The following PARD3B variants were observed in gnomAD, a reference collection of about 807,000 sequenced individuals.
PARD3B encodes the protein partitioning defective 3 homolog B.
In PARD3B, 103 loss-of-function variants were observed where a neutral mutation model predicts 130.2. The observed-to-expected ratio is 0.79, with a 90% CI of 0.67 to 0.93. The LOEUF (loss-of-function observed/expected upper bound fraction) is 0.93. Among genes scored for constraint, PARD3B ranks in the 40% least tolerant of loss-of-function variants. The probability of loss-of-function intolerance (pLI) is 0.00; values close to 1 mark genes in which losing one functional copy is unlikely to be tolerated. For missense variants in PARD3B, 1,609 were observed against 1,499.2 expected, an observed-to-expected ratio of 1.07 and a Z score of -1.21; for synonymous variants, 583 against 553.2, an observed-to-expected ratio of 1.05 and a Z score of -0.76.
rs2042499499 is a variant in PARD3B, at chr2:204,799,758, A to C, written c.222+113476A>C. ...AGGGACTTCTCCCAGATCTTATCCA[A>C]GACCACCAAGATGGTACCTGTACAA... On this transcript the variant is annotated intron_variant, in intron 2 of 22. Transcript: ENST00000406610. This position sits in a 1 kb window ranked among gnomAD's most constrained non-coding sequence, Gnocchi z 4.1. Among the ~76,000 whole-genome samples the C allele has an allele frequency of 6.6e-6, 1 of 152,184 alleles. No homozygotes were observed. Among genetic ancestry groups the C allele is most frequent in the Non-Finnish European group, 1.5e-5 (1 of 68,034 alleles).
At position 205,021,656 on chromosome 2, in the gene PARD3B, A is replaced by C. The variant is rs202177368; in HGVS notation, c.395-25925A>C. Among the ~76,000 whole-genome samples, 1,286 of 148,138 alleles carry C rather than the reference A, an allele frequency of 8.7e-3. 10 individuals carry two copies. The highest frequency in any genetic ancestry group is 0.023 in the African/African-American group (905 of 39,908). ...TCTCTCTCTCTCTCTCTCTCTATAT[A>C]TATATATATAGTTAATCTTTTCAAT... On this transcript the variant is annotated intron_variant, in intron 3 of 22. Coordinates refer to ENST00000406610, the MANE Select transcript of PARD3B (RefSeq NM_001302769.2). The surrounding 1 kb of genome is among the most constrained non-coding windows in gnomAD (Gnocchi z 4.5).
intron 2 of PARD3B, among the ~76,000 whole-genome samples, chr2:204,896,262 G>T (rs2125697411): frequency 6.6e-6 from 1 of 152,262 alleles, no homozygotes; most frequent in Non-Finnish European, 1.5e-5. Context: ...CAAAGTAAGG[G>T]GCTTTTTGCA....
chr2:205,159,059 G>A, intron 11 of PARD3B, 152 bp downstream of exon 11: 1 of 796,704 alleles, frequency 1.3e-6, no homozygotes, highest in Admixed American at 3.0e-5. Flanking sequence ...ACAGATCTGG[G>A]AAATAACTGG....
chr2:204,767,248 T>C (rs1444843728), intron 2 of PARD3B, among the ~76,000 whole-genome samples: 2 of 44,476 alleles, frequency 4.5e-5, no homozygotes, highest in Non-Finnish European at 9.0e-5. Flanking sequence ...GAATATGCGG[T>C]GTTTGGTTTT....
At chr2:205,054,436 A>ATATATATATATATTTTTTT (rs1411271901) in intron 4 of PARD3B, among the ~76,000 whole-genome samples, 1 of 28,438 alleles carries the variant, frequency 3.5e-5, no homozygotes, top group South Asian at 2.7e-3. Flanking sequence ...ATATATATAT[A>ATATATATATATATTTTTTT]TTTTTTTTTT....
At chr2:204,608,134 G>A (rs893971902) in intron 1 of PARD3B, among the ~76,000 whole-genome samples, 1 of 152,152 alleles carries the variant, frequency 6.6e-6, no homozygotes, top group African/African-American at 2.4e-5. Context: ...TGTATTGGTG[G>A]CTTCAGACAG....
chr2:204,638,919 G>C (rs2034981366), intron 1 of PARD3B, among the ~76,000 whole-genome samples: 1 of 152,168 alleles, frequency 6.6e-6, no homozygotes, highest in South Asian at 2.1e-4. Context: ...CCATGGCCAA[G>C]TATCCAGCCC....
rs1575253643 is a variant in PARD3B, at chr2:205,525,313, G to A, written c.3180+25282G>A. 6.6e-6 allele frequency among the ~76,000 whole-genome samples: 1 copy of A among 152,092 alleles called. No homozygotes were observed. Among genetic ancestry groups the A allele is most frequent in the African/African-American group, 2.4e-5 (1 of 41,416 alleles). On this transcript the variant is annotated intron_variant, in intron 21 of 22. Transcript: ENST00000406610. The surrounding 1 kb of genome is among the most constrained non-coding windows in gnomAD (Gnocchi z 4.2). The stretch of plus-strand genomic sequence containing the variant: ...TCTGGAAAATATAGTAACAAAGCTG[G>A]TTTTCTAGTCACATGTCACCATAAC...
chr2:205,000,510 T>G (rs1255878186), intron 3 of PARD3B, among the ~76,000 whole-genome samples: 8 of 152,134 alleles, frequency 5.3e-5, no homozygotes, highest in Non-Finnish European at 1.2e-4. Context: ...TAAAAAGCAA[T>G]CCCCCATTTT....
chr2:205,612,421 C>T (rs564278956), intron 22 of PARD3B, among the ~76,000 whole-genome samples: 1 of 152,268 alleles, frequency 6.6e-6, no homozygotes, highest in African/African-American at 2.4e-5. Context: ...GAATTACAGG[C>T]ATGAGCCACC....
chr2:204,633,888 A>G lies in PARD3B; in HGVS notation c.121-52293A>G, dbSNP rs149615475. Among the ~76,000 whole-genome samples, 663 of 152,294 alleles carry G rather than the reference A, an allele frequency of 4.4e-3. 2 individuals carry two copies. The highest frequency in any genetic ancestry group is 0.015 in the African/African-American group (634 of 41,564). On this transcript the variant is annotated intron_variant, in intron 1 of 22. Coordinates refer to ENST00000406610, the MANE Select transcript of PARD3B (RefSeq NM_001302769.2). Reference sequence around the variant, plus strand: ...GTAGGTATGTATATTTATGGGGTACATGAGATGTTTTGATACAGGCAAATG... The same window carrying G: ...GTAGGTATGTATATTTATGGGGTACGTGAGATGTTTTGATACAGGCAAATG...
chr2:204,560,528 G>A (rs1234540301), intron 1 of PARD3B, among the ~76,000 whole-genome samples: 1 of 151,784 alleles, frequency 6.6e-6, no homozygotes, highest in Non-Finnish European at 1.5e-5. Context: ...TTTGAAGGAT[G>A]CATGGACAGT....
chr2:204,578,447 C>CT (rs1320587917), intron 1 of PARD3B, among the ~76,000 whole-genome samples: 2 of 152,030 alleles, frequency 1.3e-5, no homozygotes, highest in Non-Finnish European at 2.9e-5. Context: ...GTGAATACTT[C>CT]TTTGTATATA....
chr2:204,894,407 C>A (rs1177060524), intron 2 of PARD3B, among the ~76,000 whole-genome samples: 1 of 149,498 alleles, frequency 6.7e-6, no homozygotes, highest in Non-Finnish European at 1.5e-5. Flanking sequence ...GGAATATTAA[C>A]AAAACATGAA....
In PARD3B at chr2:205,309,375, G is replaced by A. The variant is rs2042297253; in HGVS notation, c.2630+7674G>A. ...GTTACATAGTGGAGCATCAGACAAA[G>A]CTAAATCATGAACCCTTGAGGCAAA... On this transcript the variant is annotated intron_variant, in intron 18 of 22. Coordinates refer to ENST00000406610, the MANE Select transcript of PARD3B (RefSeq NM_001302769.2). The surrounding 1 kb of genome is among the most constrained non-coding windows in gnomAD (Gnocchi z 4.7). Among the ~76,000 whole-genome samples, 2 of 152,162 alleles carry A rather than the reference G, an allele frequency of 1.3e-5. No individual in the cohort carries two copies. The highest frequency in any genetic ancestry group is 2.1e-4 in the South Asian group (1 of 4,822).
chr2:204,996,742 G>GC (rs1033376581), intron 3 of PARD3B, among the ~76,000 whole-genome samples: 1 of 149,482 alleles, frequency 6.7e-6, no homozygotes, highest in South Asian at 2.2e-4. Context: ...GATTCCGTGG[G>GC]CGTAGGACCC....
intron 2 of PARD3B, among the ~76,000 whole-genome samples, chr2:204,915,797 T>A (rs534242305): frequency 5.3e-5 from 8 of 152,334 alleles, no homozygotes; most frequent in African/African-American, 1.7e-4. Flanking sequence ...TTTTCTGTGG[T>A]TTCATTGTCA....
At chr2:205,077,886 A>G (rs1389163020) in intron 4 of PARD3B, among the ~76,000 whole-genome samples, 2 of 152,186 alleles carry the variant, frequency 1.3e-5, no homozygotes, top group Non-Finnish European at 2.9e-5. Flanking sequence ...AGAGTTGGCC[A>G]TAGGAATTTT....
intron 2 of PARD3B, among the ~76,000 whole-genome samples, chr2:204,863,495 A>G (rs750772712): frequency 3.9e-5 from 6 of 152,190 alleles, no homozygotes; most frequent in Admixed American, 6.5e-5. Flanking sequence ...CATAGAAGCA[A>G]TATTTAAAAT....
Sources: allele counts gnomAD v4.1 joint callset (sites outside exome capture counted in the v4.1 genomes callset), GRCh38; gene constraint gnomAD v4.1.1; non-coding constraint Gnocchi (gnomAD v3.1); transcripts MANE v1.5; gene names NCBI Gene and HGNC (gene_info 2026-07-23, HGNC 2026-07-21).